TANC1: variants seen among roughly 807,000 people sequenced by gnomAD.
TANC1 encodes the protein tetratricopeptide repeat, ankyrin repeat and coiled-coil containing 1, also known as protein TANC1.
In TANC1, 77 loss-of-function variants were observed where a neutral mutation model predicts 149.7. That is an observed-to-expected ratio of 0.51 (90% CI 0.43 to 0.62). The LOEUF (loss-of-function observed/expected upper bound fraction) is 0.62, where lower values mean the gene tolerates loss of function less well. TANC1 is among the 20% of genes least tolerant of loss of function. The pLI, the probability that TANC1 is intolerant of heterozygous loss-of-function variation, is 0.00. For synonymous variants in TANC1, 854 were observed against 925.0 expected (o/e 0.92, Z 1.39); for missense variants, 1,985 against 2,321.8 (o/e 0.85, Z 2.98).
chr2:159,033,840 A>G (rs2039973161), intron 2 of TANC1, among the ~76,000 whole-genome samples: 1 of 152,190 alleles, frequency 6.6e-6, no homozygotes, highest in Non-Finnish European at 1.5e-5. Flanking sequence ...AGCTGGTTTT[A>G]TACCAAGGAA....
intron 19 of TANC1, among the ~76,000 whole-genome samples, chr2:159,210,569 GTTT>G (rs991026400): frequency 6.6e-6 from 1 of 151,840 alleles, no homozygotes; most frequent in South Asian, 2.1e-4. Flanking sequence ...TTGTTTGTTT[GTTT>G]TTTGTTTTTT....
intron 19 of TANC1, among the ~76,000 whole-genome samples, chr2:159,205,019 T>C (rs1169974073): frequency 1.3e-5 from 2 of 152,248 alleles, no homozygotes; most frequent in Non-Finnish European, 2.9e-5. Context: ...ATCTTGAGCC[T>C]CAGGCAGTGC....
chr2:159,061,076 T>G (rs768824362), intron 2 of TANC1, among the ~76,000 whole-genome samples: 16 of 152,218 alleles, frequency 1.1e-4, no homozygotes, highest in Non-Finnish European at 2.2e-4. Context: ...TATGTGACAT[T>G]TGGAAAACTT....
At chr2:159,160,293 C>G (rs1037352314) in intron 7 of TANC1, among the ~76,000 whole-genome samples, 1 of 152,054 alleles carries the variant, frequency 6.6e-6, no homozygotes, top group African/African-American at 2.4e-5. Flanking sequence ...CAACTATAAA[C>G]ATTAGCCAGT....
At position 159,011,419 on chromosome 2, in the gene TANC1, T is replaced by A. The variant is rs191777635; in HGVS notation, c.-16+10230T>A. On this transcript the variant is annotated intron_variant, in intron 2 of 26. Transcript: ENST00000263635. ...ACTCAGTGTTTGGATTCTTTGGATCTGATGGGGGCAGGCAATAAATGGTAG... is the reference window on the plus strand; with the variant it reads ...ACTCAGTGTTTGGATTCTTTGGATCAGATGGGGGCAGGCAATAAATGGTAG... Among the ~76,000 whole-genome samples, 9 of 152,308 alleles carry A rather than the reference T, an allele frequency of 5.9e-5. 1 individual carries two copies. Among genetic ancestry groups the A allele is most frequent in the Admixed American group, 5.2e-4 (8 of 15,294 alleles).
chr2:159,232,490 G>A lies in TANC1; in HGVS notation c.*1478G>A, dbSNP rs1375380249. On this transcript the variant is annotated 3_prime_UTR_variant, in exon 27 of 27. Transcript: ENST00000263635. ...AACGTTTGTTCCTGTGTGTACAATT[G>A]TACTTTGTATGAACAGCTTTATCAT... The A allele has an allele frequency of 6.6e-6, 1 of 152,560 alleles. No individual in the cohort carries two copies. The allele number at this position is 152,560 out of a possible 1,614,324, so 9.5% of individuals were successfully genotyped here. A position where few individuals can be genotyped will look rare whatever the true frequency, so the allele number is the denominator to read the frequency against.
chr2:159,059,278 G>T (rs2042060699), intron 2 of TANC1, among the ~76,000 whole-genome samples: 2 of 152,166 alleles, frequency 1.3e-5, no homozygotes, highest in Admixed American at 6.5e-5. Context: ...CGAAGTAAGA[G>T]AATTACTTGA....
At chr2:158,993,082 G>A (rs888384472) in intron 1 of TANC1, among the ~76,000 whole-genome samples, 1 of 152,164 alleles carries the variant, frequency 6.6e-6, no homozygotes, top group Non-Finnish European at 1.5e-5. Context: ...AGGAATAGAT[G>A]TTCCTTCTGG....
chr2:159,028,548 C>T (rs1205650042), intron 2 of TANC1, among the ~76,000 whole-genome samples: 1 of 152,092 alleles, frequency 6.6e-6, no homozygotes, highest in Non-Finnish European at 1.5e-5. Flanking sequence ...ATTGTGGTTA[C>T]AAAACAAAAC....
At chr2:158,977,023 A>G (rs922000311) in intron 1 of TANC1, among the ~76,000 whole-genome samples, 3 of 152,248 alleles carry the variant, frequency 2.0e-5, no homozygotes, top group Non-Finnish European at 4.4e-5. Context: ...GTGTGTATAC[A>G]TACCATTCAT....
rs374527887 is a variant in TANC1 at position 159,030,820 on chromosome 2, A to G, written c.-16+29631A>G. On this transcript the variant is annotated intron_variant, in intron 2 of 26. Transcript: ENST00000263635. ...TTTGTGATGAGTCATTTCCTAATGC[A>G]TCCGGAGGCACTGGGCTTGGAACCC... 1.3e-3 allele frequency among the ~76,000 whole-genome samples: 199 copies of G among 152,226 alleles called. 1 individual carries two copies. Among genetic ancestry groups the G allele is most frequent in the African/African-American group, 4.6e-3 (193 of 41,520 alleles).
chr2:159,173,425 T>C (rs1275607967), intron 11 of TANC1, among the ~76,000 whole-genome samples: 1 of 152,062 alleles, frequency 6.6e-6, no homozygotes, highest in African/African-American at 2.4e-5. Flanking sequence ...GCCAACATAT[T>C]GAAACCTCGT....
rs187895366 is a variant in TANC1, at chr2:159,191,719, C to T, written c.2743-2538C>T. ...TACTTGGTAGTATAATTTTCCAGACCCATTTGTTTGTAAATATTCTGTTTG... is the reference window on the plus strand; with the variant it reads ...TACTTGGTAGTATAATTTTCCAGACTCATTTGTTTGTAAATATTCTGTTTG... On this transcript the variant is annotated intron_variant, in intron 16 of 26. Transcript: ENST00000263635. Among the ~76,000 whole-genome samples, 118 of 152,192 alleles carry T rather than the reference C, an allele frequency of 7.8e-4. 1 individual carries two copies. The highest frequency in any genetic ancestry group is 2.7e-3 in the African/African-American group (112 of 41,498).
intron 2 of TANC1, chr2:159,004,068 C>G: frequency 1.2e-6 from 2 of 1,612,142 alleles, no homozygotes; most frequent in Non-Finnish European, 1.7e-6. Flanking sequence ...TCCCAAAGTC[C>G]AAGCTTCCCT....
chr2:159,052,165 A>G (rs754972370), intron 2 of TANC1, among the ~76,000 whole-genome samples: 4 of 152,226 alleles, frequency 2.6e-5, no homozygotes, highest in Non-Finnish European at 5.9e-5. Flanking sequence ...CCAAGAAAAC[A>G]ATACAACCAA....
chr2:159,225,946 C>T (rs2059998901), intron 24 of TANC1, 167 bp downstream of exon 24: 1 of 661,346 alleles, frequency 1.5e-6, no homozygotes, highest in Non-Finnish European at 2.7e-6. Flanking sequence ...CTTTTGGAGG[C>T]CGAGGTGGGC....
At chr2:159,109,958 G>C (rs141970350) in intron 4 of TANC1, among the ~76,000 whole-genome samples, 28 of 152,324 alleles carry the variant, frequency 1.8e-4, no homozygotes, top group Non-Finnish European at 3.4e-4. Flanking sequence ...GTATGCTGAG[G>C]TTGCTAAGAT....
chr2:159,189,470 G>A (rs1234710983), intron 16 of TANC1, among the ~76,000 whole-genome samples: 2 of 152,210 alleles, frequency 1.3e-5, no homozygotes, highest in Non-Finnish European at 2.9e-5. Flanking sequence ...TCCATGAAAG[G>A]TTGATTATAA....
chr2:159,209,144 G>A lies in TANC1; in HGVS notation c.3245-8353G>A, dbSNP rs190159254. On this transcript the variant is annotated intron_variant, in intron 19 of 26. Coordinates refer to ENST00000263635, the MANE Select transcript of TANC1 (RefSeq NM_033394.3). ...TCACTGAGCAGCAGCGCCCCAGCCT[G>A]CAGAAGCTTCAGTTGAGGCTGGCAG... Among the ~76,000 whole-genome samples the A allele has an allele frequency of 3.3e-5, 5 of 152,328 alleles. 1 individual carries two copies. Among genetic ancestry groups the A allele is most frequent in the African/African-American group, 9.6e-5 (4 of 41,578 alleles).
Sources: allele counts gnomAD v4.1 joint callset (sites outside exome capture counted in the v4.1 genomes callset), GRCh38; gene constraint gnomAD v4.1.1; transcripts MANE v1.5; gene names NCBI Gene and HGNC (gene_info 2026-07-23, HGNC 2026-07-21).